ANGPT2: variants seen among roughly 807,000 people sequenced by gnomAD.
ANGPT2 encodes angiopoietin 2.
Under a neutral mutation model 62.9 loss-of-function variants are expected in ANGPT2, and 28 were observed. The observed-to-expected ratio is 0.44, with a 90% CI of 0.33 to 0.61. The LOEUF (loss-of-function observed/expected upper bound fraction) is 0.61, where lower values mean the gene tolerates loss of function less well. ANGPT2 is among the 20% of genes least tolerant of loss of function. ANGPT2 has a pLI of 0.03. For missense variants in ANGPT2, 727 were observed against 594.9 expected, an observed-to-expected ratio of 1.22 and a Z score of -2.31; for synonymous variants, 284 against 207.8, an observed-to-expected ratio of 1.37 and a Z score of -3.15.
At chr8:6,527,899 A>ATGTTTTTTTTTT (rs1818656451) in intron 2 of ANGPT2, among the ~76,000 whole-genome samples, 1 of 133,122 alleles carries the variant, frequency 7.5e-6, no homozygotes, top group Admixed American at 7.7e-5. Context: ...CCACGTCTCT[A>ATGTTTTTTTTTT]TTTTTTTTTT....
chr8:6,552,587 G>C (rs1344323975), intron 1 of ANGPT2, among the ~76,000 whole-genome samples: 1 of 152,088 alleles, frequency 6.6e-6, no homozygotes, highest in Non-Finnish European at 1.5e-5. Flanking sequence ...GTGTCTTTCT[G>C]GTGTTCCTAT....
intron 1 of ANGPT2, among the ~76,000 whole-genome samples, chr8:6,532,757 G>A (rs114206264): frequency 6.6e-6 from 1 of 152,248 alleles, no homozygotes; most frequent in East Asian, 1.9e-4. Context: ...TCTTCTAGAA[G>A]TCCATGTCAT....
rs1812296216 is a variant in ANGPT2 at position 6,502,020 on chromosome 8, G to A, written c.*1081C>T. On this transcript the variant is annotated 3_prime_UTR_variant, in exon 9 of 9. Coordinates refer to ENST00000629816, the MANE Select transcript of ANGPT2 (RefSeq NM_001118887.2). ...AAGTAAATTTAAGGGTGAATCTTGA[G>A]ACATATAGCTTTGTAAATTTCTTAA... is the stretch of plus-strand genomic sequence containing the variant. 1 of 150,774 alleles carries A rather than the reference G, an allele frequency of 6.6e-6. No homozygotes were observed. The highest frequency in any genetic ancestry group is 6.6e-5 in the Admixed American group (1 of 15,108). 9.3% of individuals were successfully genotyped at this position (150,774 alleles called of 1,614,324 possible).
At chr8:6,562,595 C>A in intron 1 of ANGPT2, 52 bp downstream of exon 1, 2 of 356,100 alleles carry the variant, frequency 5.6e-6, no homozygotes, top group Non-Finnish European at 8.2e-6. Flanking sequence ...TGAGCTGCTG[C>A]CAAGCTGATC....
chr8:6,522,782 A>G (rs1446187941), intron 3 of ANGPT2, among the ~76,000 whole-genome samples: 1 of 151,860 alleles, frequency 6.6e-6, no homozygotes, highest in African/African-American at 2.4e-5. Flanking sequence ...TCAAAAAAAA[A>G]AAAGAAAAGA....
intron 8 of ANGPT2, among the ~76,000 whole-genome samples, chr8:6,505,262 T>TTA (rs1405057883): frequency 1.7e-4 from 4 of 23,438 alleles, no homozygotes; most frequent in Admixed American, 1.3e-3. Context: ...TATATATGTT[T>TTA]TATATATATG....
intron 1 of ANGPT2, among the ~76,000 whole-genome samples, chr8:6,547,957 A>C (rs1028680228): frequency 6.6e-6 from 1 of 150,858 alleles, no homozygotes; most frequent in Non-Finnish European, 1.5e-5. Context: ...CCTACGAGCC[A>C]GTTTAATTTT....
intron 2 of ANGPT2, among the ~76,000 whole-genome samples, chr8:6,532,079 C>T (rs1168737156): frequency 6.6e-6 from 1 of 152,148 alleles, no homozygotes; most frequent in Non-Finnish European, 1.5e-5. Context: ...GGATGCGTGG[C>T]ATGAAAATGA....
intron 1 of ANGPT2, among the ~76,000 whole-genome samples, chr8:6,562,150 A>G (rs1825634130): frequency 1.3e-5 from 2 of 152,186 alleles, no homozygotes; most frequent in Non-Finnish European, 2.9e-5. Flanking sequence ...ATTTTAGTAA[A>G]TAAATTCAGG....
intron 2 of ANGPT2, 30 bp downstream of exon 2, chr8:6,532,302 A>T (rs1455025785): frequency 1.2e-6 from 2 of 1,613,688 alleles, no homozygotes; most frequent in Non-Finnish European, 1.7e-6. Context: ...AGCTGCAGGG[A>T]CACCGTGTGC....
chr8:6,534,639 T>A (rs918130448), intron 1 of ANGPT2, among the ~76,000 whole-genome samples: 9 of 152,138 alleles, frequency 5.9e-5, no homozygotes, highest in African/African-American at 2.2e-4. Context: ...TATTAAAAAA[T>A]TTTTAAAAAT....
In ANGPT2 at chr8:6,502,817, G is replaced by T. The variant is rs1812449982; in HGVS notation, c.*284C>A. ...TAACATTCTTGGTTGTGACAGCAGC[G>T]TCTGTAAACTGTCAGTCTGATTCTC... On this transcript the variant is annotated 3_prime_UTR_variant, in exon 9 of 9. Coordinates refer to ENST00000629816, the MANE Select transcript of ANGPT2 (RefSeq NM_001118887.2). 1 of 410,442 alleles carries T rather than the reference G, an allele frequency of 2.4e-6. No homozygotes were observed. The highest frequency in any genetic ancestry group is 4.0e-5 in the Admixed American group (1 of 24,846). The allele number at this position is 410,442 out of a possible 1,614,324, so 25.4% of individuals were successfully genotyped here. A position where few individuals can be genotyped will look rare whatever the true frequency, so the allele number is the denominator to read the frequency against.
chr8:6,509,117 G>A, intron 7 of ANGPT2, 55 bp from the exon 8 acceptor site: 1 of 1,579,806 alleles, frequency 6.3e-7, no homozygotes, highest in Non-Finnish European at 8.6e-7. Flanking sequence ...ATTTACCGTA[G>A]TGGCAAATTT....
rs759116093 is a variant in ANGPT2 at position 6,499,941 on chromosome 8, G to A, written c.*3160C>T. 8 of 1,609,012 alleles carry A rather than the reference G, an allele frequency of 5.0e-6. No individual in the cohort carries two copies. Among genetic ancestry groups the A allele is most frequent in the South Asian group, 1.1e-5 (1 of 90,974 alleles). On this transcript the variant is annotated 3_prime_UTR_variant, in exon 9 of 9. Coordinates refer to ENST00000629816, the MANE Select transcript of ANGPT2 (RefSeq NM_001118887.2). ...TCCCTGCAGCTCCCGTAAGTCAGAT[G>A]TTGTTTTACGATGGTAAATGCAGTT...
Position 6,532,410 on chromosome 8 carries a change from AGCCGTCTGGTTCTGTACTGCATTCT to A in ANGPT2, c.341_365del (p.Gln114LeufsTer2). 6.2e-7 allele frequency: 1 copy of A among 1,614,040 alleles called. No homozygotes were observed. The highest frequency in any genetic ancestry group is 8.5e-7 in the Non-Finnish European group (1 of 1,180,014). On this transcript the variant is annotated frameshift_variant, in exon 2 of 9. Transcript: ENST00000629816. LOFTEE classifies it high-confidence loss of function. ...GGTTTGTCCCTATTTCTATCATCAC[AGCCGTCTGGTTCTGTACTGCATTCT>A]GCTGTATCTCTACCATTTCTTTCTT... is the stretch of plus-strand genomic sequence containing the variant.
intron 1 of ANGPT2, among the ~76,000 whole-genome samples, chr8:6,533,541 G>A (rs1009492287): frequency 8.3e-5 from 12 of 143,876 alleles, no homozygotes; most frequent in African/African-American, 2.3e-4. Context: ...TTGTGTATGC[G>A]TAACTCCAGA....
chr8:6,505,783 T>C (rs947327745), intron 8 of ANGPT2, among the ~76,000 whole-genome samples: 1 of 136,150 alleles, frequency 7.3e-6, no homozygotes, highest in Non-Finnish European at 1.5e-5. Flanking sequence ...ATTCTTTATA[T>C]ATGTATATAT....
At chr8:6,525,624 A>G (rs935434603) in intron 3 of ANGPT2, among the ~76,000 whole-genome samples, 7 of 152,190 alleles carry the variant, frequency 4.6e-5, no homozygotes, top group African/African-American at 1.2e-4. Context: ...CCATTTGCAT[A>G]TTTTTGTAAT....
In ANGPT2 at chr8:6,521,544, C is replaced by G. The variant is rs184043550; in HGVS notation, c.567-134G>C. 14 of 670,840 alleles carry G rather than the reference C, an allele frequency of 2.1e-5. No homozygotes were observed. In the African/African-American group the frequency reaches 2.4e-4, roughly 11 times the overall value. The allele number at this position is 670,840 out of a possible 1,614,324, so 41.6% of individuals were successfully genotyped here. The stretch of plus-strand genomic sequence containing the variant: ...ATAAAGTAATATGATGTTACCAGAG[C>G]CCTAAGGAATCTCTGAAACTTGCTG... On this transcript the variant is annotated intron_variant, in intron 3 of 8. Transcript: ENST00000629816.
Sources: gnomAD v4.1 joint callset for allele counts (sites outside exome capture counted in the v4.1 genomes callset) on GRCh38, gnomAD v4.1.1 for gene constraint, MANE v1.5 for transcripts, NCBI Gene and HGNC (gene_info 2026-07-23, HGNC 2026-07-21) for gene names.